DMBT1: variants seen among roughly 807,000 people sequenced by gnomAD.
DMBT1 encodes the protein deleted in malignant brain tumors 1.
In DMBT1, 198 loss-of-function variants were observed where a neutral mutation model predicts 252.9. That is an observed-to-expected ratio of 0.78 (90% confidence interval 0.70 to 0.88). DMBT1 has a LOEUF of 0.88. DMBT1 is among the 40% of genes least tolerant of loss of function. The pLI, the probability that DMBT1 is intolerant of heterozygous loss-of-function variation, is 0.00. For missense variants in DMBT1, 2,432 were observed against 2,404.7 expected (o/e 1.01, Z -0.24); for synonymous variants, 990 against 942.7 (o/e 1.05, Z -0.92).
chr10:122,593,686 T>C (rs2097872847), intron 21 of DMBT1, 88 bp downstream of exon 21: 1 of 1,415,012 alleles, frequency 7.1e-7, no homozygotes, highest in Non-Finnish European at 9.7e-7. Context: ...CCTGTTTCTC[T>C]GTGTGGATAC....
chr10:122,635,379 A>C (rs914209970), intron 52 of DMBT1, among the ~76,000 whole-genome samples: 7 of 152,168 alleles, frequency 4.6e-5, no homozygotes, highest in Non-Finnish European at 8.8e-5. Context: ...AATGGTCTAA[A>C]TCAGGATGCG....
intron 49 of DMBT1, 109 bp downstream of exon 49, chr10:122,631,390 G>A (rs1020095123): frequency 5.0e-6 from 7 of 1,392,792 alleles, no homozygotes; most frequent in Non-Finnish European, 6.9e-6. Context: ...GCTGGTCATT[G>A]TGTCCTCGTG....
chr10:122,619,326 C>T lies in DMBT1; in HGVS notation c.5234C>T (p.Thr1745Met), dbSNP rs776086353. ...VICSAAQSQS[T>M]PRPDTWLTTN... ...CTCACAGCTGCTCAGTCCCAGTCAACGCCCAGGCCAGGTGAGTCCCCAGCA... is the reference window on the plus strand; with the variant it reads ...CTCACAGCTGCTCAGTCCCAGTCAATGCCCAGGCCAGGTGAGTCCCCAGCA... The change falls in exon 42 of 56, where the codon ACG becomes ATG. Residue 1745 changes from threonine to methionine, a missense_variant. Physicochemically the swap from Thr to Met is moderately conservative, Grantham distance 81 (BLOSUM62 -1). Coordinates refer to ENST00000338354, the MANE Select transcript of DMBT1 (RefSeq NM_001377530.1). The T allele has an allele frequency of 4.8e-5, 77 of 1,613,862 alleles. No homozygotes were observed. The highest frequency in any genetic ancestry group is 5.9e-5 in the Non-Finnish European group (70 of 1,179,888).
chr10:122,617,962 T>C (rs2098013437), intron 40 of DMBT1, 55 bp from the exon 41 acceptor site: 1 of 1,605,152 alleles, frequency 6.2e-7, no homozygotes, highest in African/African-American at 1.3e-5. Context: ...GAACTTGCCT[T>C]AGATTGTTGA....
chr10:122,626,654 C>T (rs2098121133), intron 46 of DMBT1, among the ~76,000 whole-genome samples: 1 of 152,142 alleles, frequency 6.6e-6, no homozygotes, highest in Admixed American at 6.5e-5. Context: ...AAACTACCAT[C>T]AAGAATGGTT....
intron 55 of DMBT1, among the ~76,000 whole-genome samples, chr10:122,641,372 G>A (rs1437666959): frequency 6.6e-6 from 1 of 152,204 alleles, no homozygotes; most frequent in East Asian, 1.9e-4. Context: ...AGTAGCCATT[G>A]CCTTCCAAGA....
At chr10:122,628,932 A>T (rs1239551854) in intron 46 of DMBT1, among the ~76,000 whole-genome samples, 1 of 152,126 alleles carries the variant, frequency 6.6e-6, no homozygotes, top group Non-Finnish European at 1.5e-5. Flanking sequence ...CAGTATGCTA[A>T]AAACCATGGA....
At chr10:122,632,984 G>T (rs2098178362) in intron 51 of DMBT1, 94 bp downstream of exon 51, 1 of 1,573,344 alleles carries the variant, frequency 6.4e-7, no homozygotes, top group African/African-American at 1.3e-5. Flanking sequence ...GGAGGAGATG[G>T]CTTCCCCCAA....
chr10:122,626,025 C>A, intron 46 of DMBT1, 60 bp downstream of exon 46: 2 of 1,459,626 alleles, frequency 1.4e-6, no homozygotes, highest in Non-Finnish European at 1.9e-6. Flanking sequence ...CCAAGCTTGG[C>A]TATCCATGAG....
intron 44 of DMBT1, among the ~76,000 whole-genome samples, chr10:122,622,363 A>G (rs2098078805): frequency 6.6e-6 from 1 of 152,184 alleles, no homozygotes; most frequent in Non-Finnish European, 1.5e-5. Flanking sequence ...CATGGCAGGA[A>G]CTCAACTCAA....
intron 25 of DMBT1, 119 bp from the exon 26 acceptor site, chr10:122,598,655 A>G: frequency 1.9e-6 from 3 of 1,560,868 alleles, no homozygotes; most frequent in Non-Finnish European, 2.6e-6. Context: ...ATTCATATTC[A>G]AAGGTGACTG....
chr10:122,587,089 G>T (rs2097796433), intron 16 of DMBT1, among the ~76,000 whole-genome samples: 1 of 148,296 alleles, frequency 6.7e-6, no homozygotes, highest in African/African-American at 2.4e-5. Flanking sequence ...CTCTATACTT[G>T]GGGATCCAAT....
intron 41 of DMBT1, 147 bp downstream of exon 41, chr10:122,618,487 T>C: frequency 6.8e-7 from 1 of 1,472,666 alleles, no homozygotes; most frequent in Non-Finnish European, 9.0e-7. Flanking sequence ...TAAGAATCTT[T>C]ATGAATTTTG....
At position 122,592,608 on chromosome 10, in the gene DMBT1, G is replaced by A. The variant is rs79795021; in HGVS notation, c.2500+13G>A. The stretch of plus-strand genomic sequence containing the variant: ...GTCATCTGCTCAGGTGGGCCTCCAA[G>A]ACCTTGGGCTCCCTCTCCTAGACTG... On this transcript the variant is annotated intron_variant, in intron 20 of 55. Coordinates refer to ENST00000338354, the MANE Select transcript of DMBT1 (RefSeq NM_001377530.1). The A allele has an allele frequency of 6.3e-7, 1 of 1,588,412 alleles. No homozygotes were observed. Among genetic ancestry groups the A allele is most frequent in the Non-Finnish European group, 8.6e-7 (1 of 1,165,638 alleles).
rs1229387000 is a variant in DMBT1 at position 122,579,902 on chromosome 10, G to A, written c.1003+1G>A. The A allele has an allele frequency of 1.1e-5, 18 of 1,613,744 alleles. No homozygotes were observed. Among genetic ancestry groups the A allele is most frequent in the Non-Finnish European group, 1.4e-5 (16 of 1,179,780 alleles). On this transcript the variant is annotated splice_donor_variant, in intron 10 of 55. Transcript: ENST00000338354. LOFTEE classifies it high-confidence loss of function. ...GAAGACGCTGGTGTCATCTGCTCAG[G>A]TGGGCCTTCAAGAACTTGGGCTCAC...
At chr10:122,617,369 G>T (rs1163201083) in intron 40 of DMBT1, 109 bp downstream of exon 40, 1 of 1,329,782 alleles carries the variant, frequency 7.5e-7, no homozygotes, top group Non-Finnish European at 1.1e-6. Flanking sequence ...TCATGTCCCT[G>T]TGGGTTGGGT....
chr10:122,617,869 A>C, intron 40 of DMBT1, 148 bp from the exon 41 acceptor site: 1 of 1,421,678 alleles, frequency 7.0e-7, no homozygotes, highest in Non-Finnish European at 9.6e-7. Flanking sequence ...CCCTATGATA[A>C]AGCTGAACCT....
rs147966171 is a variant in DMBT1, at chr10:122,636,065, G to C, written c.6623G>C (p.Arg2208Pro). 6.2e-7 allele frequency: 1 copy of C among 1,613,934 alleles called. No individual in the cohort carries two copies. Among genetic ancestry groups the C allele is most frequent in the South Asian group, 1.1e-5 (1 of 91,068 alleles). The change falls in exon 53 of 56, where the codon CGA becomes CCA. Residue 2208 changes from arginine (R) to proline (P), a missense_variant. Arg to Pro is a moderately radical substitution (Grantham distance 103). Around this residue, in one of 3 missense-constraint regions of DMBT1, gnomAD observed 1,162 missense variants for 1,169.0 expected, o/e 0.99. Coordinates refer to ENST00000338354, the MANE Select transcript of DMBT1 (RefSeq NM_001377530.1). Reference protein sequence around the residue: ...GPYRSSPLIARVCDGARGSFT... With the variant: ...GPYRSSPLIAPVCDGARGSFT... Reference sequence around the variant, plus strand: ...TACCGCAGTTCCCCTCTCATTGCTCGAGTTTGTGATGGGGCCAGAGGCTCC... The same window carrying C: ...TACCGCAGTTCCCCTCTCATTGCTCCAGTTTGTGATGGGGCCAGAGGCTCC...
At chr10:122,617,736 C>T in intron 40 of DMBT1, among the ~76,000 whole-genome samples, 1 of 151,624 alleles carries the variant, frequency 6.6e-6, no homozygotes, top group East Asian at 2.0e-4. Context: ...GGAGCTCCAT[C>T]CTGTGTGTGC....
Sources: gnomAD v4.1 joint callset for allele counts (sites outside exome capture counted in the v4.1 genomes callset) on GRCh38, gnomAD v4.1.1 for gene constraint, gnomAD v4.1.1 regional missense constraint, MANE v1.5 for transcripts, NCBI Gene and HGNC (gene_info 2026-07-23, HGNC 2026-07-21) for gene names.